ALK: variants seen among roughly 807,000 people sequenced by gnomAD.
ALK encodes the protein ALK tyrosine kinase receptor.
In ALK, 74 loss-of-function variants were observed where a neutral mutation model predicts 163.1. That is an observed-to-expected ratio of 0.45 (90% CI 0.38 to 0.55). The LOEUF is 0.55. ALK is among the 20% of genes least tolerant of loss of function. ALK has a pLI of 0.00. For synonymous variants in ALK, 960 were observed against 843.2 expected, an observed-to-expected ratio of 1.14 and a Z score of -2.40; for missense variants, 2,063 against 2,105.3, an observed-to-expected ratio of 0.98 and a Z score of 0.39.
rs150778639 is a variant in ALK, at chr2:29,868,707, C to T, written c.667+51286G>A. Among the ~76,000 whole-genome samples, 204 of 152,276 alleles carry T rather than the reference C, an allele frequency of 1.3e-3. 1 individual carries two copies. Among genetic ancestry groups the T allele is most frequent in the Non-Finnish European group, 2.5e-3 (168 of 68,022 alleles). On this transcript the variant is annotated intron_variant, in intron 1 of 28. Coordinates refer to ENST00000389048, the MANE Select transcript of ALK (RefSeq NM_004304.5). ...AACAAATCATACCTTCCTCCAAAGA[C>T]GGCTACAAAAATGTCTCCCATCCCA... is the stretch of plus-strand genomic sequence containing the variant.
At position 29,523,858 on chromosome 2, in the gene ALK, G is replaced by GTCTTTTTTTTT. The variant is rs1672879628; in HGVS notation, c.1154+8056_1154+8057insAAAAAAAAAGA. Among the ~76,000 whole-genome samples, 2 of 110,950 alleles carry GTCTTTTTTTTT rather than the reference G, an allele frequency of 1.8e-5. 1 individual carries two copies. Among genetic ancestry groups the GTCTTTTTTTTT allele is most frequent in the Non-Finnish European group, 3.5e-5 (2 of 56,738 alleles). The allele number at this position is 110,950 out of a possible 152,430, so 72.8% of individuals were successfully genotyped here. On this transcript the variant is annotated intron_variant, in intron 4 of 28. Coordinates refer to ENST00000389048, the MANE Select transcript of ALK (RefSeq NM_004304.5). ...AGGTCAGAACTGGCAGAAGCTGAAG[G>GTCTTTTTTTTT]TTTTTTTTTTTTTTTTTTTTTTTTT...
chr2:29,505,252 A>G (rs1672286627), intron 4 of ALK, among the ~76,000 whole-genome samples: 1 of 152,154 alleles, frequency 6.6e-6, no homozygotes. Context: ...CCTGGGAGCC[A>G]CACAGCCCCC....
chr2:29,907,477 G>A (rs368517371), intron 1 of ALK, among the ~76,000 whole-genome samples: 4 of 152,148 alleles, frequency 2.6e-5, no homozygotes, highest in African/African-American at 7.2e-5. Flanking sequence ...AAGACACTCC[G>A]TGAATTGCTC....
chr2:29,701,071 A>G (rs1452249764), intron 2 of ALK, among the ~76,000 whole-genome samples: 1 of 152,212 alleles, frequency 6.6e-6, no homozygotes, highest in African/African-American at 2.4e-5. Flanking sequence ...GGTTCCAGCT[A>G]TTCTCCATAA....
chr2:29,247,278 T>G (rs1664704352), intron 12 of ALK, among the ~76,000 whole-genome samples: 1 of 152,226 alleles, frequency 6.6e-6, no homozygotes, highest in African/African-American at 2.4e-5. Flanking sequence ...GCAGGGCCTC[T>G]GGGGCAGGGC....
chr2:29,501,916 G>A (rs1558353768), intron 4 of ALK, among the ~76,000 whole-genome samples: 1 of 152,198 alleles, frequency 6.6e-6, no homozygotes, highest in Non-Finnish European at 1.5e-5. Context: ...TGCCTCACAT[G>A]AGTGGAATTG....
At chr2:29,827,626 TC>T (rs1665239241) in intron 1 of ALK, among the ~76,000 whole-genome samples, 1 of 152,156 alleles carries the variant, frequency 6.6e-6, no homozygotes, top group African/African-American at 2.4e-5. Flanking sequence ...AGAAACTGAT[TC>T]CACAGCCCAA....
chr2:29,352,303 G>T (rs958249727), intron 5 of ALK, among the ~76,000 whole-genome samples: 1 of 152,264 alleles, frequency 6.6e-6, no homozygotes, highest in African/African-American at 2.4e-5. Context: ...AATGTATGTA[G>T]AGAGGACAGG....
chr2:29,282,235 G>A lies in ALK; in HGVS notation c.1818-6739C>T, dbSNP rs560464597. 5.9e-5 allele frequency among the ~76,000 whole-genome samples: 9 copies of A among 152,248 alleles called. No homozygotes were observed. In the South Asian group the frequency reaches 1.0e-3, roughly 18 times the overall value. On this transcript the variant is annotated intron_variant, in intron 9 of 28. Transcript: ENST00000389048. ...GGAAAAACACTTTCTCCAATTTCTC[G>A]CTGCACAGTTAATTTGCTCTGCAAA...
intron 26 of ALK, among the ~76,000 whole-genome samples, chr2:29,200,197 C>T (rs555986976): frequency 6.6e-6 from 1 of 152,240 alleles, no homozygotes; most frequent in South Asian, 2.1e-4. Context: ...GGTGATCTTA[C>T]TTCCCTTCAA....
At chr2:29,640,796 C>A (rs1195864567) in intron 3 of ALK, among the ~76,000 whole-genome samples, 1 of 151,982 alleles carries the variant, frequency 6.6e-6, no homozygotes, top group Non-Finnish European at 1.5e-5. Context: ...ACACCGCTAC[C>A]AATGGTGAAG....
intron 1 of ALK, among the ~76,000 whole-genome samples, chr2:29,762,349 T>TGACAGTC (rs1680730575): frequency 6.6e-6 from 1 of 152,222 alleles, no homozygotes; most frequent in Admixed American, 6.5e-5. Flanking sequence ...GTTCAACTGT[T>TGACAGTC]TGACAGTCAA....
intron 3 of ALK, among the ~76,000 whole-genome samples, chr2:29,546,027 C>T (rs1044467341): frequency 2.0e-5 from 3 of 152,050 alleles, no homozygotes; most frequent in Non-Finnish European, 2.9e-5. Context: ...GTAAAATACG[C>T]GTATGTGTGT....
At chr2:29,740,054 C>T (rs1047548947) in intron 1 of ALK, among the ~76,000 whole-genome samples, 8 of 152,026 alleles carry the variant, frequency 5.3e-5, no homozygotes, top group Non-Finnish European at 1.0e-4. Context: ...TGATTGAATG[C>T]CTACACCATA....
chr2:29,915,365 G>A (rs781503645), intron 1 of ALK, among the ~76,000 whole-genome samples: 2 of 152,142 alleles, frequency 1.3e-5, no homozygotes, highest in African/African-American at 2.4e-5. Flanking sequence ...GAACTAAGGC[G>A]CATGCCACAA....
At chr2:29,687,515 AT>A (rs1314877913) in intron 3 of ALK, among the ~76,000 whole-genome samples, 1 of 151,972 alleles carries the variant, frequency 6.6e-6, no homozygotes, top group Non-Finnish European at 1.5e-5. Context: ...TCGAATGATA[AT>A]TTTTTATTCC....
chr2:29,605,329 C>G (rs543339871), intron 3 of ALK, among the ~76,000 whole-genome samples: 4 of 152,150 alleles, frequency 2.6e-5, no homozygotes, highest in Admixed American at 1.3e-4. Flanking sequence ...TGCTGCGGCC[C>G]GATTCCTAAC....
At chr2:29,427,226 A>G (rs951466412) in intron 4 of ALK, among the ~76,000 whole-genome samples, 5 of 152,054 alleles carry the variant, frequency 3.3e-5, no homozygotes, top group African/African-American at 9.7e-5. Flanking sequence ...ATACAAAAAA[A>G]TTTAAGAGAA....
rs537885015 is a variant in ALK at position 29,452,065 on chromosome 2, C to G, written c.1155-68206G>C. 2.6e-4 allele frequency among the ~76,000 whole-genome samples: 39 copies of G among 152,278 alleles called. No homozygotes were observed. In the South Asian group the frequency reaches 3.1e-3, roughly 12 times the overall value. On this transcript the variant is annotated intron_variant, in intron 4 of 28. Transcript: ENST00000389048. Reference sequence around the variant, plus strand: ...CTAGTGACTACCCTATTGGACAGCACAGTTGAGAATATATTTAACGAAGGA... The same window carrying G: ...CTAGTGACTACCCTATTGGACAGCAGAGTTGAGAATATATTTAACGAAGGA...
Sources: gnomAD v4.1 joint callset for allele counts (sites outside exome capture counted in the v4.1 genomes callset) on GRCh38, gnomAD v4.1.1 for gene constraint, MANE v1.5 for transcripts, NCBI Gene and HGNC (gene_info 2026-07-23, HGNC 2026-07-21) for gene names.